Variants in PDE11A observed in about 807,000 individuals in gnomAD.
PDE11A encodes the protein dual 3',5'-cyclic-AMP and -GMP phosphodiesterase 11A.
Under a neutral mutation model 100.5 loss-of-function variants are expected in PDE11A, and 100 were observed. The ratio of observed to expected loss-of-function variants is 1.00; its 90% CI spans 0.85 to 1.18. PDE11A has a LOEUF of 1.18. Among genes scored for constraint, PDE11A ranks in the 50% most tolerant of loss-of-function variants. The probability of loss-of-function intolerance (pLI) is 0.00; values close to 1 mark genes in which losing one functional copy is unlikely to be tolerated. For missense variants in PDE11A, 1,141 were observed against 1,152.6 expected (o/e 0.99, Z 0.15); for synonymous variants, 381 against 420.8 (o/e 0.91, Z 1.16).
chr2:177,998,089 T>C (rs1156757067), intron 2 of PDE11A: 18 of 1,304,534 alleles, frequency 1.4e-5, no homozygotes, highest in Middle Eastern at 1.8e-4. Flanking sequence ...ATCTGAGGGA[T>C]TGAAGGTCTG....
chr2:177,688,136 C>G (rs773159199), intron 15 of PDE11A: 2 of 152,226 alleles, frequency 1.3e-5, no homozygotes, highest in African/African-American at 4.8e-5. Flanking sequence ...ACAGTGGGGC[C>G]AGCAGCCCTC....
chr2:177,834,049 T>C (rs2083352381), intron 6 of PDE11A, among the ~76,000 whole-genome samples: 1 of 152,194 alleles, frequency 6.6e-6, no homozygotes, highest in Non-Finnish European at 1.5e-5. Context: ...GGTATTCAAT[T>C]TGGGAGGTGG....
intron 9 of PDE11A, among the ~76,000 whole-genome samples, chr2:177,796,901 C>A (rs2082715034): frequency 6.6e-6 from 1 of 152,128 alleles, no homozygotes; most frequent in Admixed American, 6.6e-5. Flanking sequence ...TGGAGCCCAA[C>A]AGAGACACTG....
intron 5 of PDE11A, among the ~76,000 whole-genome samples, chr2:177,856,189 C>A (rs1174320287): frequency 6.6e-6 from 1 of 152,014 alleles, no homozygotes; most frequent in African/African-American, 2.4e-5. Flanking sequence ...CTTCAGTTGC[C>A]AAACCCTCCC....
At chr2:177,813,659 A>T (rs2082986986) in intron 9 of PDE11A, among the ~76,000 whole-genome samples, 1 of 152,138 alleles carries the variant, frequency 6.6e-6, no homozygotes, top group Admixed American at 6.6e-5. Flanking sequence ...AGAAGAGAAC[A>T]GTGTGGTGCT....
upstream of PDE11A, among the ~76,000 whole-genome samples, chr2:178,075,779 G>A (rs1186917024): frequency 1.3e-5 from 2 of 152,130 alleles, no homozygotes; most frequent in African/African-American, 2.4e-5. Flanking sequence ...AGGGTGAAAG[G>A]ATGATTCTTG....
intron 1 of PDE11A, among the ~76,000 whole-genome samples, chr2:178,038,670 TG>T (rs1197968014): frequency 6.6e-6 from 1 of 152,114 alleles, no homozygotes; most frequent in East Asian, 1.9e-4. Context: ...CCAGAACATT[TG>T]CATGGTCTAT....
At chr2:177,874,365 T>A (rs939080904) in intron 5 of PDE11A, among the ~76,000 whole-genome samples, 3 of 152,234 alleles carry the variant, frequency 2.0e-5, no homozygotes, top group Non-Finnish European at 4.4e-5. Flanking sequence ...AGGTTGCTCA[T>A]ATTTTAGTAT....
At chr2:177,740,462 T>C (rs1165739135) in intron 10 of PDE11A, among the ~76,000 whole-genome samples, 1 of 152,262 alleles carries the variant, frequency 6.6e-6, no homozygotes, top group Non-Finnish European at 1.5e-5. Context: ...GTATTCCATT[T>C]AATCCTGCAA....
chr2:177,649,454 T>A (rs998290530), intron 19 of PDE11A, among the ~76,000 whole-genome samples: 3 of 152,144 alleles, frequency 2.0e-5, no homozygotes, highest in African/African-American at 7.2e-5. Flanking sequence ...GAATGAGACA[T>A]CTTCTGCATG....
At chr2:178,012,949 T>C (rs1678093053) in intron 2 of PDE11A, among the ~76,000 whole-genome samples, 1 of 152,164 alleles carries the variant, frequency 6.6e-6, no homozygotes, top group Non-Finnish European at 1.5e-5. Context: ...ATGCACAAAA[T>C]GAAATTTCTG....
intron 2 of PDE11A, among the ~76,000 whole-genome samples, chr2:178,094,696 G>C (rs1307910020): frequency 6.6e-6 from 1 of 152,092 alleles, no homozygotes; most frequent in East Asian, 1.9e-4. Context: ...CTGATGTAAA[G>C]AAATACCCAA....
intron 12 of PDE11A, 95 bp from the exon 13 acceptor site, chr2:177,711,973 C>G: frequency 1.4e-6 from 1 of 697,472 alleles, no homozygotes; most frequent in Non-Finnish European, 2.6e-6. Flanking sequence ...TTTTCATACC[C>G]ACATCATTTA....
At chr2:178,105,652 T>C in intron 1 of PDE11A, 1 of 617,964 alleles carries the variant, frequency 1.6e-6, no homozygotes. Flanking sequence ...TCTCAGGAGG[T>C]TCTCCATGGT....
chr2:177,817,844 A>G lies in PDE11A; in HGVS notation c.1644+14T>C. 7.5e-7 allele frequency: 1 copy of G among 1,334,414 alleles called. No individual in the cohort carries two copies. Among genetic ancestry groups the G allele is most frequent in the Non-Finnish European group, 1.1e-6 (1 of 930,386 alleles). The allele number at this position is 1,334,414 out of a possible 1,614,324, so 82.7% of individuals were successfully genotyped here. ...ATTGATGACTCCACTTGGTTTATAA[A>G]TTTATTTTCTTACCTCAAAAAGTCG... is the stretch of plus-strand genomic sequence containing the variant. On this transcript the variant is annotated intron_variant, in intron 8 of 19. Transcript: ENST00000286063.
intron 2 of PDE11A, among the ~76,000 whole-genome samples, chr2:177,966,548 G>A (rs2085700755): frequency 6.6e-6 from 1 of 150,802 alleles, no homozygotes; most frequent in Non-Finnish European, 1.5e-5. Context: ...TATAGAGGGT[G>A]TTTTTTTTTA....
upstream of PDE11A, among the ~76,000 whole-genome samples, chr2:178,073,611 T>A (rs189555479): frequency 4.6e-5 from 7 of 152,320 alleles, no homozygotes; most frequent in East Asian, 1.2e-3. Context: ...ACGTTTAGCA[T>A]AGTGCCTGGC....
chr2:177,809,057 T>A (rs978960411), intron 9 of PDE11A, among the ~76,000 whole-genome samples: 1 of 151,482 alleles, frequency 6.6e-6, no homozygotes, highest in African/African-American at 2.4e-5. Flanking sequence ...GTAGCTAGAG[T>A]AGTCAAATTC....
intron 6 of PDE11A, among the ~76,000 whole-genome samples, chr2:177,827,255 A>G (rs2083239821): frequency 6.6e-6 from 1 of 152,260 alleles, no homozygotes; most frequent in Non-Finnish European, 1.5e-5. Flanking sequence ...ATGGGACTGA[A>G]GAGCTACAGA....
Sources: allele counts gnomAD v4.1 joint callset (sites outside exome capture counted in the v4.1 genomes callset), GRCh38; gene constraint gnomAD v4.1.1; transcripts MANE v1.5; gene names NCBI Gene and HGNC (gene_info 2026-07-23, HGNC 2026-07-21).